SLIT3: variants seen among roughly 807,000 people sequenced by gnomAD.
SLIT3 encodes slit guidance ligand 3.
Under a neutral mutation model 184.0 loss-of-function variants are expected in SLIT3, and 68 were observed. The observed-to-expected ratio is 0.37, with a 90% CI of 0.30 to 0.45. The LOEUF (loss-of-function observed/expected upper bound fraction) is 0.45, where lower values mean the gene tolerates loss of function less well. Ranked by LOEUF, SLIT3 falls within the 20% of genes least tolerant of loss-of-function variation. The pLI is 1.00. For missense variants in SLIT3, 1,707 were observed against 2,026.0 expected, an observed-to-expected ratio of 0.84 and a Z score of 3.02; for synonymous variants, 831 against 828.6, an observed-to-expected ratio of 1.00 and a Z score of -0.05.
intron 4 of SLIT3, among the ~76,000 whole-genome samples, chr5:168,939,152 C>T (rs1476994449): frequency 6.6e-6 from 1 of 152,202 alleles, no homozygotes; most frequent in Non-Finnish European, 1.5e-5. Flanking sequence ...GACAAAGCAG[C>T]ACCAGGTCAA....
chr5:168,796,937 G>C (rs1756582511), intron 9 of SLIT3, among the ~76,000 whole-genome samples: 1 of 152,144 alleles, frequency 6.6e-6, no homozygotes, highest in South Asian at 2.1e-4. Context: ...GGGAGAAAGG[G>C]GAAAGGCGGG....
Position 169,176,152 on chromosome 5 carries a change from G to C in SLIT3, c.413+17327C>G, listed in dbSNP as rs114063460. Among the ~76,000 whole-genome samples the C allele has an allele frequency of 9.1e-3, 1,391 of 152,270 alleles. 14 individuals carry two copies. Among genetic ancestry groups the C allele is most frequent in the Non-Finnish European group, 0.016 (1,057 of 68,030 alleles). ...AACCAAGTCCTCCACTCCTCTTCTT[G>C]CTTTCTGTGCCTCTGCCTTGACTGC... is the stretch of plus-strand genomic sequence containing the variant. On this transcript the variant is annotated intron_variant, in intron 4 of 35. Coordinates refer to ENST00000519560, the MANE Select transcript of SLIT3 (RefSeq NM_003062.4).
intron 18 of SLIT3, 30 bp from the exon 19 acceptor site, chr5:168,749,665 A>T: frequency 6.2e-7 from 1 of 1,612,994 alleles, no homozygotes; most frequent in Non-Finnish European, 8.5e-7. Flanking sequence ...CTTAGCCTCC[A>T]TCCTTCTACT....
At chr5:168,948,753 C>T (rs548140125) in intron 4 of SLIT3, among the ~76,000 whole-genome samples, 3 of 152,230 alleles carry the variant, frequency 2.0e-5, no homozygotes, top group African/African-American at 7.2e-5. Context: ...AAGGCCAGAA[C>T]TCTGTTATTA....
chr5:169,121,068 C>CA (rs1760855067), intron 4 of SLIT3, among the ~76,000 whole-genome samples: 1 of 152,170 alleles, frequency 6.6e-6, no homozygotes, highest in Non-Finnish European at 1.5e-5. Flanking sequence ...GCCAAATTTA[C>CA]ACACCTAGTA....
chr5:168,776,408 T>C (rs945837471), intron 12 of SLIT3, among the ~76,000 whole-genome samples: 2 of 152,246 alleles, frequency 1.3e-5, no homozygotes, highest in East Asian at 3.8e-4. Context: ...GCTAGAATAC[T>C]GTGTTTTCCA....
At chr5:168,850,486 G>T (rs6895922) in intron 5 of SLIT3, among the ~76,000 whole-genome samples, 22,001 of 152,118 alleles carry the variant, frequency 0.14, 1,807 homozygotes, top group East Asian at 0.25. Flanking sequence ...TATATAACTG[G>T]TAAAGCAATT....
At chr5:168,861,613 T>C (rs1313822837) in intron 5 of SLIT3, among the ~76,000 whole-genome samples, 1 of 152,172 alleles carries the variant, frequency 6.6e-6, no homozygotes, top group African/African-American at 2.4e-5. Flanking sequence ...GGCTTGACTG[T>C]CTACCAAGAA....
In SLIT3 at chr5:168,707,598, G is replaced by T. The variant is rs147026754; in HGVS notation, c.2844+378C>A. The T allele has an allele frequency of 4.8e-4, 87 of 181,682 alleles. 1 individual carries two copies. In the East Asian group the frequency reaches 0.013, roughly 26 times the overall value. 11.3% of individuals were successfully genotyped at this position (181,682 alleles called of 1,614,324 possible). On this transcript the variant is annotated intron_variant, in intron 26 of 35. Transcript: ENST00000519560. ...GGGTGGGGTTTGGCAGGGGCATGGT[G>T]GGGTGGAGGTTCTGGAAATCCCTTT...
At chr5:168,750,714 T>C (rs1206964509) in intron 18 of SLIT3, among the ~76,000 whole-genome samples, 1 of 152,082 alleles carries the variant, frequency 6.6e-6, no homozygotes, top group African/African-American at 2.4e-5. Context: ...TCCCAACCCA[T>C]TGTCCTCTCC....
intron 4 of SLIT3, among the ~76,000 whole-genome samples, chr5:169,032,732 A>AGGAC (rs760468824): frequency 1.7e-4 from 26 of 151,920 alleles, no homozygotes; most frequent in African/African-American, 2.7e-4. Context: ...ACTATCTAAC[A>AGGAC]GGACCTCATA....
intron 4 of SLIT3, among the ~76,000 whole-genome samples, chr5:169,127,302 A>C (rs1481100313): frequency 6.6e-6 from 1 of 152,254 alleles, no homozygotes; most frequent in Non-Finnish European, 1.5e-5. Flanking sequence ...GCCAGAGTAC[A>C]CTTTCAATTA....
chr5:168,809,715 C>T (rs753582305), intron 8 of SLIT3, among the ~76,000 whole-genome samples: 6 of 152,170 alleles, frequency 3.9e-5, no homozygotes, highest in African/African-American at 7.2e-5. Flanking sequence ...ATACAAAGCA[C>T]GGACCCATAA....
At chr5:168,776,677 C>G (rs1039167383) in intron 12 of SLIT3, among the ~76,000 whole-genome samples, 1 of 152,246 alleles carries the variant, frequency 6.6e-6, no homozygotes, top group African/African-American at 2.4e-5. Context: ...CTGCAAATTC[C>G]GATGCTTTGT....
chr5:169,117,508 G>A (rs1022103435), intron 4 of SLIT3, among the ~76,000 whole-genome samples: 3 of 152,092 alleles, frequency 2.0e-5, no homozygotes, highest in Non-Finnish European at 2.9e-5. Flanking sequence ...AGTCTGCCAG[G>A]AAATGCAAAT....
intron 11 of SLIT3, 112 bp from the exon 12 acceptor site, chr5:168,786,090 C>T (rs1756143031): frequency 6.9e-6 from 5 of 719,922 alleles, no homozygotes; most frequent in South Asian, 6.6e-5. Context: ...CTCAGGACAA[C>T]CCCTTCCACG....
At chr5:169,032,417 C>T (rs2113525672) in intron 4 of SLIT3, among the ~76,000 whole-genome samples, 1 of 152,110 alleles carries the variant, frequency 6.6e-6, no homozygotes, top group African/African-American at 2.4e-5. Context: ...TCACTTTAAT[C>T]TTTAGAACAA....
intron 6 of SLIT3, among the ~76,000 whole-genome samples, chr5:168,830,878 G>C (rs1199316267): frequency 6.6e-6 from 1 of 152,212 alleles, no homozygotes; most frequent in East Asian, 1.9e-4. Context: ...ATTTTTCCAA[G>C]GTGGAGGTGA....
At chr5:169,187,346 C>G (rs923395115) in intron 4 of SLIT3, among the ~76,000 whole-genome samples, 1 of 151,784 alleles carries the variant, frequency 6.6e-6, no homozygotes, top group Admixed American at 6.6e-5. Flanking sequence ...CTCTTGACCT[C>G]GTCATCCGCC....
Sources: allele counts gnomAD v4.1 joint callset (sites outside exome capture counted in the v4.1 genomes callset), GRCh38; gene constraint gnomAD v4.1.1; transcripts MANE v1.5; gene names NCBI Gene and HGNC (gene_info 2026-07-23, HGNC 2026-07-21).